Variants in SLC6A17 observed in about 807,000 individuals in gnomAD.
SLC6A17 encodes solute carrier family 6 member 17, also known as sodium-dependent neutral amino acid transporter SLC6A17.
SLC6A17 carries 21 observed loss-of-function variants against 64.5 expected under a neutral mutation model. The observed-to-expected ratio is 0.33, with a 90% CI of 0.23 to 0.47. The LOEUF is 0.47. SLC6A17 is among the 20% of genes least tolerant of loss of function. SLC6A17 has a pLI of 1.00. For missense variants in SLC6A17, 682 were observed against 963.2 expected (o/e 0.71, Z 3.86); for synonymous variants, 372 against 399.5 (o/e 0.93, Z 0.82).
Position 110,199,680 on chromosome 1 carries a change from C to T in SLC6A17, c.*1236C>T. ...TGTGGACAGTAGAGGCTGCCAAAGG[C>T]AAGGGCTGGTCTTCAGGATGGAGGC... On this transcript the variant is annotated 3_prime_UTR_variant, in exon 12 of 12. Coordinates refer to ENST00000331565, the MANE Select transcript of SLC6A17 (RefSeq NM_001010898.4). 1 of 332,392 alleles carries T rather than the reference C, an allele frequency of 3.0e-6. No individual in the cohort carries two copies. The highest frequency in any genetic ancestry group is 5.4e-6 in the Non-Finnish European group (1 of 183,804). The allele number at this position is 332,392 out of a possible 1,614,324, so 20.6% of individuals were successfully genotyped here.
rs1045692037 is a variant in SLC6A17, at chr1:110,199,042, T to C, written c.*598T>C. On this transcript the variant is annotated 3_prime_UTR_variant, in exon 12 of 12. Coordinates refer to ENST00000331565, the MANE Select transcript of SLC6A17 (RefSeq NM_001010898.4). ...CTAGGCAGAAGCCCCAAGTTCTGTT[T>C]TCTGAGGTATGTGCTGCCCTTGGCT... 1 of 153,024 alleles carries C rather than the reference T, an allele frequency of 6.5e-6. No individual in the cohort carries two copies. Among genetic ancestry groups the C allele is most frequent in the Non-Finnish European group, 1.5e-5 (1 of 68,576 alleles). 9.5% of individuals were successfully genotyped at this position (153,024 alleles called of 1,614,324 possible).
chr1:110,180,637 C>T (rs1656498477), intron 6 of SLC6A17, among the ~76,000 whole-genome samples: 1 of 152,160 alleles, frequency 6.6e-6, no homozygotes. Context: ...TGTTGCAGAG[C>T]TGTGACTGTT....
intron 3 of SLC6A17, among the ~76,000 whole-genome samples, chr1:110,173,254 A>G (rs1327959070): frequency 6.6e-6 from 1 of 152,224 alleles, no homozygotes; most frequent in Non-Finnish European, 1.5e-5. Context: ...TGATGAAGCA[A>G]GCGGCCCTCA....
At chr1:110,195,781 A>AG (rs1431416705) in intron 10 of SLC6A17, 36 bp downstream of exon 10, 1 of 1,612,714 alleles carries the variant, frequency 6.2e-7, no homozygotes, top group African/African-American at 1.3e-5. Flanking sequence ...GGATGGGAGG[A>AG]GGGGTCTGTC....
chr1:110,197,567 C>T lies in SLC6A17; in HGVS notation c.1783C>T (p.Pro595Ser). 1 of 1,609,222 alleles carries T rather than the reference C, an allele frequency of 6.2e-7. No individual in the cohort carries two copies. Among genetic ancestry groups the T allele is most frequent in the Non-Finnish European group, 8.5e-7 (1 of 1,177,852 alleles). ...TASIIQLGVT[P>S]PGYSAWIKEE... ...CAGCATCATCCAGCTGGGGGTCACG[C>T]CCCCGGGCTACAGCGCCTGGATCAA... The change falls in exon 11 of 12, where the codon CCC becomes TCC. Residue 595 changes from proline to serine, a missense_variant. This residue lies in a region of SLC6A17 where 264 missense variants were observed against 339.5 expected (regional missense o/e 0.78). Coordinates refer to ENST00000331565, the MANE Select transcript of SLC6A17 (RefSeq NM_001010898.4).
rs12133992 is a variant in SLC6A17, at chr1:110,199,993, A to G, written c.*1549A>G. ...GACGGATGGGGTGGGGGAAGGAAGG[A>G]AAGGAGGGAGAAAGGAGGGAATACT... On this transcript the variant is annotated 3_prime_UTR_variant, in exon 12 of 12. Transcript: ENST00000331565. 0.42 allele frequency: 164,140 copies of G among 390,560 alleles called. 38,252 individuals are homozygous for G. The highest frequency in any genetic ancestry group is 0.49 in the Non-Finnish European group (110,320 of 223,668). 24.2% of individuals were successfully genotyped at this position (390,560 alleles called of 1,614,324 possible).
chr1:110,161,066 C>G (rs1015470221), intron 1 of SLC6A17, among the ~76,000 whole-genome samples: 1 of 152,158 alleles, frequency 6.6e-6, no homozygotes, highest in African/African-American at 2.4e-5. Flanking sequence ...GGGTCCCTGC[C>G]TGTGTCCTGG....
At chr1:110,173,441 A>C (rs916414497) in intron 3 of SLC6A17, among the ~76,000 whole-genome samples, 8 of 152,186 alleles carry the variant, frequency 5.3e-5, no homozygotes, top group African/African-American at 1.7e-4. Flanking sequence ...AAATTCTACC[A>C]ATGTTAGTTA....
Position 110,197,540 on chromosome 1 carries a change from G to A in SLC6A17, c.1756G>A (p.Ala586Thr), listed in dbSNP as rs377378725. The A allele has an allele frequency of 2.5e-6, 4 of 1,613,308 alleles. No homozygotes were observed. Among genetic ancestry groups the A allele is most frequent in the Non-Finnish European group, 3.4e-6 (4 of 1,179,764 alleles). ...ACTATGCATGGCTGTGCTCACCACA[G>A]CCAGCATCATCCAGCTGGGGGTCAC... ...SPLCMAVLTT[A>T]SIIQLGVTPP... The change falls in exon 11 of 12, where the codon GCC (alanine) becomes ACC (threonine). Residue 586 changes from alanine (A) to threonine (T), a missense_variant. By Grantham distance (58) the Ala-to-Thr change is moderately conservative (BLOSUM62 0). Around this residue, in one of 3 missense-constraint regions of SLC6A17, gnomAD observed 264 missense variants for 339.5 expected, o/e 0.78. Transcript: ENST00000331565.
intron 8 of SLC6A17, among the ~76,000 whole-genome samples, chr1:110,194,040 T>C (rs930924405): frequency 2.0e-5 from 3 of 152,086 alleles, no homozygotes; most frequent in Non-Finnish European, 4.4e-5. Context: ...TCCTGGGGTA[T>C]TTTTGTTTGT....
rs114857516 is a variant in SLC6A17 at position 110,175,187 on chromosome 1, A to G, written c.753+227A>G. 3.8e-3 allele frequency among the ~76,000 whole-genome samples: 582 copies of G among 152,328 alleles called. 4 individuals carry two copies. Among genetic ancestry groups the G allele is most frequent in the African/African-American group, 0.013 (560 of 41,574 alleles). ...ATTGCCCTGGACCCCAGCTGCTTCCATGCTCAGATAACTCAGTCCTGCTCT... is the reference window on the plus strand; with the variant it reads ...ATTGCCCTGGACCCCAGCTGCTTCCGTGCTCAGATAACTCAGTCCTGCTCT... On this transcript the variant is annotated intron_variant, in intron 5 of 11. Coordinates refer to ENST00000331565, the MANE Select transcript of SLC6A17 (RefSeq NM_001010898.4).
intron 1 of SLC6A17, 115 bp from the exon 2 acceptor site, chr1:110,166,728 G>A: frequency 3.5e-6 from 2 of 572,908 alleles, no homozygotes; most frequent in East Asian, 3.0e-5. Context: ...GCATATATGA[G>A]GCCCTTGACC....
At chr1:110,156,059 G>A (rs1182811905) in intron 1 of SLC6A17, among the ~76,000 whole-genome samples, 3 of 152,178 alleles carry the variant, frequency 2.0e-5, no homozygotes, top group East Asian at 1.9e-4. Flanking sequence ...TCTGTACTGC[G>A]CAACCTGGGG....
chr1:110,151,891 TG>T (rs1378838527), intron 1 of SLC6A17, among the ~76,000 whole-genome samples: 2 of 151,754 alleles, frequency 1.3e-5, no homozygotes, highest in East Asian at 1.9e-4. Flanking sequence ...TTGAGGCAGA[TG>T]GGGGTGGGTT....
chr1:110,150,721 G>A lies in SLC6A17; in HGVS notation c.-250G>A, dbSNP rs1256909959. On this transcript the variant is annotated 5_prime_UTR_variant, in exon 1 of 12. Coordinates refer to ENST00000331565, the MANE Select transcript of SLC6A17 (RefSeq NM_001010898.4). ...CTGGTGGTGAGGCAGGGAGTGAGGA[G>A]CGAGCGGAGTCGCGTGCGCCGGCGC... 1.3e-5 allele frequency: 2 copies of A among 152,186 alleles called. No individual in the cohort carries two copies. The highest frequency in any genetic ancestry group is 4.8e-5 in the African/African-American group (2 of 41,450). 9.4% of individuals were successfully genotyped at this position (152,186 alleles called of 1,614,324 possible). A position where few individuals can be genotyped will look rare whatever the true frequency, so the allele number is the denominator to read the frequency against.
intron 1 of SLC6A17, chr1:110,166,040 A>G (rs1570982898): frequency 2.0e-5 from 3 of 152,244 alleles, no homozygotes. Flanking sequence ...TCCTCCGCCC[A>G]TGTCGTGCAG....
intron 6 of SLC6A17, among the ~76,000 whole-genome samples, chr1:110,178,295 G>A (rs1656423623): frequency 6.6e-6 from 1 of 151,982 alleles, no homozygotes; most frequent in African/African-American, 2.4e-5. Flanking sequence ...TGTTGTTAAG[G>A]GCCCCCTGTA....
At chr1:110,195,804 C>G in intron 10 of SLC6A17, 59 bp downstream of exon 10, 1 of 1,597,156 alleles carries the variant, frequency 6.3e-7, no homozygotes, top group Non-Finnish European at 8.6e-7. Flanking sequence ...ATCATGACTC[C>G]CTGGAGAGGC....
Position 110,192,703 on chromosome 1 carries a change from G to A in SLC6A17, c.1299+5G>A, listed in dbSNP as rs1309122743. 5.6e-6 allele frequency: 9 copies of A among 1,610,038 alleles called. No individual in the cohort carries two copies. Among genetic ancestry groups the A allele is most frequent in the Admixed American group, 1.7e-5 (1 of 59,768 alleles). On this transcript the variant is annotated splice_donor_5th_base_variant and intron_variant, in intron 8 of 11. Coordinates refer to ENST00000331565, the MANE Select transcript of SLC6A17 (RefSeq NM_001010898.4). This position sits in a 1 kb window ranked among gnomAD's most constrained non-coding sequence, Gnocchi z 4.3. ...CTGGAGGACGAGCTGGACAAGGTGC[G>A]GGGACAGGCTGCCCTTCCCAGGACA...
Sources: gnomAD v4.1 joint callset for allele counts (sites outside exome capture counted in the v4.1 genomes callset) on GRCh38, gnomAD v4.1.1 for gene constraint, gnomAD v4.1.1 regional missense constraint, Gnocchi (gnomAD v3.1) non-coding constraint, MANE v1.5 for transcripts, NCBI Gene and HGNC (gene_info 2026-07-23, HGNC 2026-07-21) for gene names.